The following TAF4 variants were observed in gnomAD, a reference collection of about 807,000 sequenced individuals.
TAF4 encodes TATA-box binding protein associated factor 4, also known as transcription initiation factor TFIID subunit 4.
A neutral mutation model predicts 90.3 loss-of-function variants in TAF4; 9 were observed. That is an observed-to-expected ratio of 0.10 (90% CI 0.06 to 0.17). TAF4 has a LOEUF of 0.17. TAF4 is among the 10% of genes least tolerant of loss of function. The pLI is 1.00. For missense variants in TAF4, 1,351 were observed against 1,370.7 expected (o/e 0.99, Z 0.23); for synonymous variants, 818 against 638.9 (o/e 1.28, Z -4.23).
intron 1 of TAF4, among the ~76,000 whole-genome samples, chr20:62,030,247 C>T (rs1237484266): frequency 1.3e-5 from 2 of 152,194 alleles, no homozygotes; most frequent in East Asian, 1.9e-4. Context: ...TCCACAGTGC[C>T]CGGTCAGTGC....
At chr20:61,999,543 T>C (rs2055685487) in intron 11 of TAF4, among the ~76,000 whole-genome samples, 1 of 152,186 alleles carries the variant, frequency 6.6e-6, no homozygotes, top group Non-Finnish European at 1.5e-5. Context: ...TGACTGCTGG[T>C]GAGGAAGGCA....
intron 1 of TAF4, among the ~76,000 whole-genome samples, chr20:62,052,963 C>A (rs137938093): frequency 6.6e-6 from 1 of 152,128 alleles, no homozygotes; most frequent in Non-Finnish European, 1.5e-5. Context: ...CCCATGACAT[C>A]AGGTCCCTTC....
At chr20:62,032,316 G>A (rs980407713) in intron 1 of TAF4, among the ~76,000 whole-genome samples, 2 of 152,206 alleles carry the variant, frequency 1.3e-5, no homozygotes. Context: ...TCCCCTGATG[G>A]GCCAGGACAC....
At chr20:62,001,267 C>T (rs1016406900) in intron 9 of TAF4, among the ~76,000 whole-genome samples, 6 of 152,130 alleles carry the variant, frequency 3.9e-5, no homozygotes, top group African/African-American at 1.2e-4. Flanking sequence ...GGCCCTCCCC[C>T]GTAGGACCCG....
At chr20:62,013,906 G>GGTGTGTGTGTGTGT (rs56801841) in intron 2 of TAF4, among the ~76,000 whole-genome samples, 11 of 107,404 alleles carry the variant, frequency 1.0e-4, no homozygotes, top group East Asian at 3.6e-4. Context: ...GGCTGACGCG[G>GGTGTGTGTGTGTGT]GTGTGTGTGT....
At chr20:62,041,419 TC>T (rs1568940019) in intron 1 of TAF4, among the ~76,000 whole-genome samples, 4 of 152,022 alleles carry the variant, frequency 2.6e-5, no homozygotes. Flanking sequence ...ATGACGCTGG[TC>T]CCATCAAGAC....
At chr20:62,007,238 T>C (rs574149095) in intron 6 of TAF4, among the ~76,000 whole-genome samples, 96 of 152,306 alleles carry the variant, frequency 6.3e-4, no homozygotes, top group African/African-American at 2.2e-3. Flanking sequence ...GTTGAAACCC[T>C]TGGTCCTATC....
At chr20:62,007,735 GC>G (rs1265249707) in intron 5 of TAF4, 99 bp from the exon 6 acceptor site, 9 of 1,175,568 alleles carry the variant, frequency 7.7e-6, no homozygotes, top group African/African-American at 1.5e-5. Flanking sequence ...GGCTGATTCC[GC>G]CCCGAGTTTC....
intron 1 of TAF4, among the ~76,000 whole-genome samples, chr20:62,041,253 A>AG (rs1218889188): frequency 6.6e-6 from 1 of 152,346 alleles, no homozygotes; most frequent in East Asian, 1.9e-4. Context: ...TGCACTTACA[A>AG]GGGGGACATT....
intron 2 of TAF4, among the ~76,000 whole-genome samples, chr20:62,014,033 T>TGTGG (rs1568932215): frequency 7.0e-6 from 1 of 143,314 alleles, no homozygotes; most frequent in East Asian, 2.7e-4. Context: ...TGTGTGTGTG[T>TGTGG]GTGTGTGTGT....
At position 62,064,473 on chromosome 20, in the gene TAF4, G is replaced by A. The variant is rs2056109832; in HGVS notation, c.1338C>T (p.Ile446=). The part of the protein sequence containing the change: ...LPQPPQNPTN[I]QNFQLPPGMV... ...CACCTGGGGGCAGCTGGAAGTTCTG[G>A]ATGTTGGTCGGGTTCTGAGGCGGCT... Residue 446 remains isoleucine (I), a synonymous_variant, in exon 1 of 15, where the codon ATC becomes ATT. Coordinates refer to ENST00000252996, the MANE Select transcript of TAF4 (RefSeq NM_003185.4). 4.0e-6 allele frequency: 6 copies of A among 1,488,516 alleles called. No individual in the cohort carries two copies. Among genetic ancestry groups the A allele is most frequent in the Non-Finnish European group, 4.5e-6 (5 of 1,117,344 alleles). The allele number at this position is 1,488,516 out of a possible 1,614,324, so 92.2% of individuals were successfully genotyped here. A position where few individuals can be genotyped will look rare whatever the true frequency, so the allele number is the denominator to read the frequency against.
At chr20:62,034,237 T>C (rs903435906) in intron 1 of TAF4, among the ~76,000 whole-genome samples, 2 of 152,216 alleles carry the variant, frequency 1.3e-5, no homozygotes, top group Non-Finnish European at 2.9e-5. Flanking sequence ...AAATTTTTAA[T>C]GGAAGAGTTG....
At position 62,009,039 on chromosome 20, in the gene TAF4, C is replaced by T. The variant is rs1479685296; in HGVS notation, c.1884+13G>A. ...CTTTAGGGGAAAGGGAATGTAAAGT[C>T]AAGGTTTCTCACCAGTAAATTCTGC... On this transcript the variant is annotated intron_variant, in intron 5 of 14. Transcript: ENST00000252996. 6.2e-7 allele frequency: 1 copy of T among 1,609,208 alleles called. No individual in the cohort carries two copies. Among genetic ancestry groups the T allele is most frequent in the South Asian group, 1.1e-5 (1 of 89,564 alleles).
intron 14 of TAF4, among the ~76,000 whole-genome samples, chr20:61,979,614 G>A (rs529386191): frequency 4.9e-5 from 7 of 143,504 alleles, no homozygotes; most frequent in Non-Finnish European, 4.5e-5. Flanking sequence ...ATGTGCAGGC[G>A]CCATGGCCAC....
intron 1 of TAF4, among the ~76,000 whole-genome samples, chr20:62,031,311 G>A (rs1365105912): frequency 2.6e-5 from 4 of 152,210 alleles, no homozygotes; most frequent in African/African-American, 7.2e-5. Context: ...CCCAGCATGT[G>A]CAGAATCAGG....
intron 14 of TAF4, among the ~76,000 whole-genome samples, chr20:61,991,073 G>A (rs1010759648): frequency 5.3e-5 from 8 of 152,096 alleles, no homozygotes; most frequent in Admixed American, 1.3e-4. Context: ...AGCAAATCAC[G>A]CCTTAAGAGA....
intron 12 of TAF4, among the ~76,000 whole-genome samples, chr20:61,998,600 G>C (rs1212850109): frequency 1.3e-5 from 2 of 152,162 alleles, no homozygotes; most frequent in African/African-American, 4.8e-5. Flanking sequence ...CGTCCCTGGG[G>C]AACTGTGGTC....
At position 62,006,676 on chromosome 20, in the gene TAF4, G is replaced by A; in HGVS notation, c.2057C>T (p.Thr686Ile). ...QQSQQQPPPPTSQATTALTAV... is the reference protein window; with the variant it reads ...QQSQQQPPPPISQATTALTAV... ...CGTGAGCGCAGTGGTGGCCTGCGAG[G>A]TGGGCGGTGGCGGCTGCTGCTGGCT... The change falls in exon 7 of 15, where the codon ACC becomes ATC. Residue 686 changes from threonine to isoleucine, a missense_variant. Physicochemically the swap from Thr to Ile is moderately conservative, Grantham distance 89. This residue lies in a region of TAF4 where 202 missense variants were observed against 229.7 expected (regional missense o/e 0.88). Transcript: ENST00000252996. The surrounding 1 kb of genome is among the most constrained non-coding windows in gnomAD (Gnocchi z 7.0). 8 of 1,595,494 alleles carry A rather than the reference G, an allele frequency of 5.0e-6. No individual in the cohort carries two copies. The highest frequency in any genetic ancestry group is 2.2e-5 in the South Asian group (2 of 89,772).
At chr20:62,044,437 A>G (rs143589509) in intron 1 of TAF4, among the ~76,000 whole-genome samples, 37 of 152,364 alleles carry the variant, frequency 2.4e-4, no homozygotes, top group African/African-American at 8.2e-4. Context: ...AAAAAAGTAA[A>G]ATTGAAAACA....
Sources: gnomAD v4.1 joint callset for allele counts (sites outside exome capture counted in the v4.1 genomes callset) on GRCh38, gnomAD v4.1.1 for gene constraint, gnomAD v4.1.1 regional missense constraint, Gnocchi (gnomAD v3.1) non-coding constraint, MANE v1.5 for transcripts, NCBI Gene and HGNC (gene_info 2026-07-23, HGNC 2026-07-21) for gene names.